The following CSNK2A2 variants were observed in gnomAD, a reference collection of about 807,000 sequenced individuals.
The protein encoded by CSNK2A2 is casein kinase 2 alpha 2.
A neutral mutation model predicts 54.0 loss-of-function variants in CSNK2A2; 8 were observed. The observed-to-expected ratio is 0.15, with a 90% confidence interval of 0.09 to 0.27. The LOEUF is 0.27. CSNK2A2 is among the 10% of genes least tolerant of loss of function. The pLI, the probability that CSNK2A2 is intolerant of heterozygous loss-of-function variation, is 1.00. For missense variants in CSNK2A2, 242 were observed against 439.4 expected, an observed-to-expected ratio of 0.55 and a Z score of 4.02; for synonymous variants, 141 against 153.9, an observed-to-expected ratio of 0.92 and a Z score of 0.62.
chr16:58,164,453 A>T (rs1961502379), intron 10 of CSNK2A2, among the ~76,000 whole-genome samples: 1 of 152,166 alleles, frequency 6.6e-6, no homozygotes, highest in African/African-American at 2.4e-5. Context: ...TTTCAATATT[A>T]ATATCATCTC....
At chr16:58,185,879 T>C (rs1266663259) in intron 3 of CSNK2A2, among the ~76,000 whole-genome samples, 1 of 152,224 alleles carries the variant, frequency 6.6e-6, no homozygotes. Context: ...TGGACTGTTG[T>C]GAAGACTGAG....
At chr16:58,185,987 C>T (rs1962184009) in intron 3 of CSNK2A2, among the ~76,000 whole-genome samples, 1 of 152,160 alleles carries the variant, frequency 6.6e-6, no homozygotes, top group South Asian at 2.1e-4. Context: ...CTTTAGCAGC[C>T]AGAAGCAAAA....
At chr16:58,163,116 CGCCTT>C (rs1033753376) in intron 11 of CSNK2A2, 4 of 151,846 alleles carry the variant, frequency 2.6e-5, no homozygotes, top group African/African-American at 9.7e-5. Flanking sequence ...TTTCCTCCCT[CGCCTT>C]GCCTGAAGAC....
intron 4 of CSNK2A2, among the ~76,000 whole-genome samples, chr16:58,175,832 C>T (rs1040108802): frequency 2.0e-5 from 3 of 152,274 alleles, no homozygotes; most frequent in East Asian, 1.9e-4. Flanking sequence ...CTCAGGGCAG[C>T]GCAGGGAACG....
At chr16:58,187,203 T>C (rs752649913) in intron 2 of CSNK2A2, among the ~76,000 whole-genome samples, 5 of 151,328 alleles carry the variant, frequency 3.3e-5, no homozygotes, top group Non-Finnish European at 5.9e-5. Flanking sequence ...AACAGCTGTA[T>C]ATCATGCACT....
chr16:58,174,757 C>A (rs1175697491), intron 4 of CSNK2A2, among the ~76,000 whole-genome samples: 3 of 152,112 alleles, frequency 2.0e-5, no homozygotes, highest in Non-Finnish European at 4.4e-5. Flanking sequence ...CAACTCAGAT[C>A]TTTCCTATTT....
intron 5 of CSNK2A2, among the ~76,000 whole-genome samples, chr16:58,170,258 C>T (rs918611248): frequency 1.3e-5 from 2 of 152,024 alleles, no homozygotes; most frequent in African/African-American, 2.4e-5. Context: ...CTTCTCCCAA[C>T]CCCTCCGTGC....
chr16:58,171,979 A>ATATATATATATATATATATATTT (rs1261137669), intron 5 of CSNK2A2, among the ~76,000 whole-genome samples: 2 of 66,218 alleles, frequency 3.0e-5, no homozygotes, highest in Non-Finnish European at 5.0e-5. Flanking sequence ...ATATATATAT[A>ATATATATATATATATATATATTT]TTTTTTTTTT....
intron 4 of CSNK2A2, among the ~76,000 whole-genome samples, chr16:58,180,646 G>C (rs1424743050): frequency 6.6e-6 from 1 of 152,060 alleles, no homozygotes; most frequent in African/African-American, 2.4e-5. Context: ...ATCTTATATA[G>C]TATAACCTTG....
At chr16:58,165,835 G>T in intron 9 of CSNK2A2, 127 bp from the exon 10 acceptor site, 1 of 996,094 alleles carries the variant, frequency 1.0e-6, no homozygotes, top group Non-Finnish European at 1.4e-6. Flanking sequence ...TCTCTAACTG[G>T]TGCCTGCCCT....
chr16:58,189,226 G>A (rs1388322594), intron 2 of CSNK2A2, among the ~76,000 whole-genome samples: 2 of 152,152 alleles, frequency 1.3e-5, no homozygotes, highest in Non-Finnish European at 2.9e-5. Flanking sequence ...AAAGTGCTGG[G>A]ATTACAGGCA....
chr16:58,165,524 T>C (rs2142409686), intron 10 of CSNK2A2, 36 bp downstream of exon 10: 1 of 1,552,834 alleles, frequency 6.4e-7, no homozygotes, highest in East Asian at 2.3e-5. Flanking sequence ...TTCTCTTGAC[T>C]GAATTACTCC....
chr16:58,161,365 A>G (rs1555504880), intron 11 of CSNK2A2: 3 of 152,210 alleles, frequency 2.0e-5, no homozygotes, highest in Non-Finnish European at 2.9e-5. Context: ...GCTTTTCTTT[A>G]GGAAATAATT....
rs1385598542 is a variant in CSNK2A2 at position 58,197,723 on chromosome 16, G to C, written c.14C>G (p.Ala5Gly). Residue 5 changes from alanine to glycine, a missense_variant, in exon 1 of 12, where the codon GCC becomes GGC. Physicochemically the swap from Ala to Gly is moderately conservative, Grantham distance 60 (BLOSUM62 0). Coordinates refer to ENST00000262506, the MANE Select transcript of CSNK2A2 (RefSeq NM_001896.4). This position sits in a 1 kb window ranked among gnomAD's most constrained non-coding sequence, Gnocchi z 4.0. Reference protein sequence around the residue: MPGPAAGSRARVYAE... With the variant: MPGPGAGSRARVYAE... ...GTAGACCCGGGCCCTGCTGCCCGCGGCCGGGCCGGGCATGGCGGGCGGGAC... is the reference window on the plus strand; with the variant it reads ...GTAGACCCGGGCCCTGCTGCCCGCGCCCGGGCCGGGCATGGCGGGCGGGAC... 1 of 1,466,140 alleles carries C rather than the reference G, an allele frequency of 6.8e-7. No individual in the cohort carries two copies. Among genetic ancestry groups the C allele is most frequent in the Non-Finnish European group, 9.1e-7 (1 of 1,102,692 alleles). The allele number at this position is 1,466,140 out of a possible 1,614,324, so 90.8% of individuals were successfully genotyped here.
chr16:58,190,826 T>C (rs900193816), intron 2 of CSNK2A2, among the ~76,000 whole-genome samples: 2 of 152,198 alleles, frequency 1.3e-5, no homozygotes, highest in African/African-American at 4.8e-5. Context: ...GGAAAGTTCC[T>C]CAAAACATTA....
chr16:58,169,101 T>C (rs1184581480), intron 5 of CSNK2A2, among the ~76,000 whole-genome samples: 2 of 140,058 alleles, frequency 1.4e-5, no homozygotes, highest in Non-Finnish European at 3.0e-5. Context: ...TAATTTTCTG[T>C]ATTTTTAGTA....
chr16:58,195,398 T>C (rs928457546), intron 2 of CSNK2A2, among the ~76,000 whole-genome samples: 1 of 152,204 alleles, frequency 6.6e-6, no homozygotes, highest in African/African-American at 2.4e-5. Flanking sequence ...TTCTGAAAGA[T>C]GATTACCAGA....
At chr16:58,195,695 C>A (rs897881799) in intron 2 of CSNK2A2, among the ~76,000 whole-genome samples, 2 of 150,114 alleles carry the variant, frequency 1.3e-5, no homozygotes, top group Admixed American at 1.3e-4. Context: ...TAAAGCTACA[C>A]AATCAGTTAC....
chr16:58,177,517 G>T (rs968612419), intron 4 of CSNK2A2, among the ~76,000 whole-genome samples: 1 of 152,164 alleles, frequency 6.6e-6, no homozygotes, highest in Admixed American at 6.5e-5. Flanking sequence ...CACTGCTACC[G>T]TAGGCATACA....
Sources: gnomAD v4.1 joint callset for allele counts (sites outside exome capture counted in the v4.1 genomes callset) on GRCh38, gnomAD v4.1.1 for gene constraint, Gnocchi (gnomAD v3.1) non-coding constraint, MANE v1.5 for transcripts, NCBI Gene and HGNC (gene_info 2026-07-23, HGNC 2026-07-21) for gene names.